UBE2E2: variants seen among roughly 807,000 people sequenced by gnomAD.
UBE2E2 encodes ubiquitin conjugating enzyme E2 E2.
A neutral mutation model predicts 24.7 loss-of-function variants in UBE2E2; 6 were observed. That is an observed-to-expected ratio of 0.24 (90% CI 0.13 to 0.48). The LOEUF (loss-of-function observed/expected upper bound fraction) is 0.48. UBE2E2 is among the 20% of genes least tolerant of loss of function. The pLI, the probability that UBE2E2 is intolerant of heterozygous loss-of-function variation, is 0.99. For missense variants in UBE2E2, 169 were observed against 245.0 expected, an observed-to-expected ratio of 0.69 and a Z score of 2.07; for synonymous variants, 104 against 83.6, an observed-to-expected ratio of 1.24 and a Z score of -1.33.
rs114631155 is a variant in UBE2E2 at position 23,320,156 on chromosome 3, C to T, written c.227+102844C>T. Among the ~76,000 whole-genome samples, 805 of 152,292 alleles carry T rather than the reference C, an allele frequency of 5.3e-3. 7 individuals carry two copies. The highest frequency in any genetic ancestry group is 0.018 in the African/African-American group (754 of 41,560). On this transcript the variant is annotated intron_variant, in intron 3 of 5. Transcript: ENST00000396703. ...GCTGGGGGTTGTCATAGTCATCTTT[C>T]TCCCCTTAGTTTCTCACATTCAGTC...
intron 3 of UBE2E2, among the ~76,000 whole-genome samples, chr3:23,362,308 G>T (rs1487938441): frequency 6.6e-6 from 1 of 152,122 alleles, no homozygotes; most frequent in Non-Finnish European, 1.5e-5. Context: ...GCTTCCTGGG[G>T]GAGCACATCC....
In UBE2E2 at chr3:23,374,567, C is replaced by T. The variant is rs957617301; in HGVS notation, c.228-125041C>T. ...TCTAGGACATAAAGCATGCAGAACT[C>T]GTAATTTAATTATCACCTGTTAATA... On this transcript the variant is annotated intron_variant, in intron 3 of 5. Coordinates refer to ENST00000396703, the MANE Select transcript of UBE2E2 (RefSeq NM_152653.4). Among the ~76,000 whole-genome samples the T allele has an allele frequency of 2.6e-5, 4 of 152,124 alleles. No homozygotes were observed. The East Asian group carries it at 5.8e-4, about 22-fold the overall frequency.
intron 4 of UBE2E2, among the ~76,000 whole-genome samples, chr3:23,519,881 A>C (rs1272140320): frequency 6.6e-6 from 1 of 150,670 alleles, no homozygotes; most frequent in Non-Finnish European, 1.5e-5. Flanking sequence ...ACGGAGTTTT[A>C]CCATGTTGCC....
In UBE2E2 at chr3:23,555,355, G is replaced by A. The variant is rs74600707; in HGVS notation, c.508+22654G>A. On this transcript the variant is annotated intron_variant, in intron 5 of 5. Coordinates refer to ENST00000396703, the MANE Select transcript of UBE2E2 (RefSeq NM_152653.4). ...TCACCTCGCACCTATTAGGATGGCTGTTACCAAAGAGACGAGGTTAAGTGT... is the reference window on the plus strand; with the variant it reads ...TCACCTCGCACCTATTAGGATGGCTATTACCAAAGAGACGAGGTTAAGTGT... 8.8e-3 allele frequency among the ~76,000 whole-genome samples: 1,336 copies of A among 152,248 alleles called. 43 individuals are homozygous for A. In the East Asian group the frequency reaches 0.094, roughly 11 times the overall value.
chr3:23,502,430 G>A lies in UBE2E2; in HGVS notation c.360+2690G>A, dbSNP rs569464079. Among the ~76,000 whole-genome samples, 6 of 152,054 alleles carry A rather than the reference G, an allele frequency of 3.9e-5. No homozygotes were observed. In the East Asian group the frequency reaches 1.2e-3, roughly 29 times the overall value. The stretch of plus-strand genomic sequence containing the variant: ...CATAAAATTAGTCCGTAGCATGATT[G>A]GGTTCATGAGATAATTTTTTCCAAA... On this transcript the variant is annotated intron_variant, in intron 4 of 5. Transcript: ENST00000396703.
chr3:23,301,772 C>T (rs1242637839), intron 3 of UBE2E2, among the ~76,000 whole-genome samples: 1 of 149,896 alleles, frequency 6.7e-6, no homozygotes, highest in Admixed American at 6.6e-5. Flanking sequence ...CTCAGATCTC[C>T]AGCTGCGTGC....
In UBE2E2 at chr3:23,504,832, G is replaced by T. The variant is rs78641129; in HGVS notation, c.360+5092G>T. On this transcript the variant is annotated intron_variant, in intron 4 of 5. Coordinates refer to ENST00000396703, the MANE Select transcript of UBE2E2 (RefSeq NM_152653.4). ...TTCAGAAACTAATGGAATATATTAT[G>T]TTGGGGTTTTTTCCTACCAAAAACA... is the stretch of plus-strand genomic sequence containing the variant. Among the ~76,000 whole-genome samples the T allele has an allele frequency of 2.9e-3, 443 of 150,516 alleles. 1 individual carries two copies. Among genetic ancestry groups the T allele is most frequent in the Non-Finnish European group, 4.5e-3 (308 of 67,774 alleles).
In UBE2E2 at chr3:23,262,609, G is replaced by GT. The variant is rs1255204325; in HGVS notation, c.227+45308dup. ...CCATTTTAAAATCAAATTATGTGGG[G>GT]TTTTTTTTTTTGCTATTGAGTTATA... On this transcript the variant is annotated intron_variant, in intron 3 of 5. Transcript: ENST00000396703. Among the ~76,000 whole-genome samples the GT allele has an allele frequency of 7.5e-3, 1,059 of 141,754 alleles. 7 individuals carry two copies. The highest frequency in any genetic ancestry group is 0.021 in the African/African-American group (805 of 38,794). The allele number at this position is 141,754 out of a possible 152,430, so 93.0% of individuals were successfully genotyped here. A position where few individuals can be genotyped will look rare whatever the true frequency, so the allele number is the denominator to read the frequency against.
chr3:23,340,266 G>GT (rs1019316758), intron 3 of UBE2E2, among the ~76,000 whole-genome samples: 3 of 152,012 alleles, frequency 2.0e-5, no homozygotes, highest in African/African-American at 4.8e-5. Flanking sequence ...AGAATGCACA[G>GT]TTTTTAACAT....
chr3:23,295,109 G>C (rs1476074107), intron 3 of UBE2E2, among the ~76,000 whole-genome samples: 2 of 151,944 alleles, frequency 1.3e-5, no homozygotes, highest in Non-Finnish European at 2.9e-5. Flanking sequence ...TCCATCTCTA[G>C]TCCTTTTCAA....
intron 3 of UBE2E2, among the ~76,000 whole-genome samples, chr3:23,352,961 T>C (rs917705222): frequency 2.0e-5 from 3 of 152,170 alleles, no homozygotes; most frequent in Non-Finnish European, 2.9e-5. Context: ...ATATCCTTGA[T>C]GAACATTGAT....
chr3:23,573,995 TA>T (rs755697173), intron 5 of UBE2E2, among the ~76,000 whole-genome samples: 20 of 150,896 alleles, frequency 1.3e-4, no homozygotes, highest in South Asian at 4.2e-4. Context: ...TTTGACTGAA[TA>T]AAAAAAAATG....
chr3:23,555,317 C>A (rs899065798), intron 5 of UBE2E2, among the ~76,000 whole-genome samples: 5 of 152,136 alleles, frequency 3.3e-5, no homozygotes, highest in Middle Eastern at 3.2e-3. Flanking sequence ...CAAATCAAAA[C>A]CACTATGAGA....
chr3:23,457,733 C>T (rs1698712180), intron 3 of UBE2E2, among the ~76,000 whole-genome samples: 1 of 152,222 alleles, frequency 6.6e-6, no homozygotes, highest in Non-Finnish European at 1.5e-5. Context: ...CCAGGCTGGT[C>T]TCAAACTCCC....
At chr3:23,243,021 G>C (rs1400453334) in intron 3 of UBE2E2, among the ~76,000 whole-genome samples, 1 of 151,916 alleles carries the variant, frequency 6.6e-6, no homozygotes, top group Non-Finnish European at 1.5e-5. Context: ...GGGAGGCGGA[G>C]GTTGCAGTGA....
chr3:23,245,534 T>C (rs750176022), intron 3 of UBE2E2, among the ~76,000 whole-genome samples: 1 of 152,172 alleles, frequency 6.6e-6, no homozygotes, highest in Admixed American at 6.5e-5. Context: ...ACACAAAATA[T>C]TGGATATCTT....
intron 3 of UBE2E2, among the ~76,000 whole-genome samples, chr3:23,456,442 T>C (rs1698682046): frequency 6.6e-6 from 1 of 152,256 alleles, no homozygotes; most frequent in African/African-American, 2.4e-5. Flanking sequence ...TGGGAGCTAT[T>C]GCCTTACAAA....
chr3:23,274,387 C>G (rs932988233), intron 3 of UBE2E2, among the ~76,000 whole-genome samples: 1 of 152,046 alleles, frequency 6.6e-6, no homozygotes, highest in Non-Finnish European at 1.5e-5. Flanking sequence ...GAGTCCCTCT[C>G]TGTTGCCCAC....
At chr3:23,299,316 C>T (rs1361014982) in intron 3 of UBE2E2, among the ~76,000 whole-genome samples, 2 of 152,124 alleles carry the variant, frequency 1.3e-5, no homozygotes, top group African/African-American at 4.8e-5. Flanking sequence ...TATTTCTTGC[C>T]TTCTGCTAGC....
Sources: allele counts gnomAD v4.1 joint callset (sites outside exome capture counted in the v4.1 genomes callset), GRCh38; gene constraint gnomAD v4.1.1; transcripts MANE v1.5; gene names NCBI Gene and HGNC (gene_info 2026-07-23, HGNC 2026-07-21).